Variants in ANO3 observed in about 807,000 individuals in gnomAD.
ANO3 encodes anoctamin 3.
ANO3 carries 99 observed loss-of-function variants against 144.8 expected under a neutral mutation model. The ratio of observed to expected loss-of-function variants is 0.68; its 90% CI spans 0.58 to 0.81. The LOEUF is 0.81. Among genes scored for constraint, ANO3 ranks in the 30% least tolerant of loss-of-function variants. The pLI is 0.00. For synonymous variants in ANO3, 414 were observed against 392.6 expected, an observed-to-expected ratio of 1.05 and a Z score of -0.64; for missense variants, 905 against 1,202.2, an observed-to-expected ratio of 0.75 and a Z score of 3.66.
intron 4 of ANO3, among the ~76,000 whole-genome samples, chr11:26,486,472 AT>A (rs1860457751): frequency 6.6e-6 from 1 of 151,730 alleles, no homozygotes; most frequent in African/African-American, 2.4e-5. Context: ...TTTATTTGTG[AT>A]GTGACTACAT....
intron 10 of ANO3, 90 bp downstream of exon 10, chr11:26,537,551 C>A (rs1849543034): frequency 2.7e-6 from 3 of 1,113,694 alleles, no homozygotes; most frequent in Non-Finnish European, 4.1e-6. Flanking sequence ...TAGCTGTCCA[C>A]TCCCAGGAGG....
intron 1 of ANO3, among the ~76,000 whole-genome samples, chr11:26,383,033 A>G (rs976934108): frequency 6.6e-6 from 1 of 152,186 alleles, no homozygotes. Context: ...GGAAACAGGT[A>G]TCCACTCATG....
chr11:26,646,568 A>T (rs1853351684), intron 23 of ANO3, among the ~76,000 whole-genome samples: 1 of 152,116 alleles, frequency 6.6e-6, no homozygotes, highest in Non-Finnish European at 1.5e-5. Flanking sequence ...TAAGACTTTC[A>T]AATCTTTGTC....
chr11:26,632,438 C>T (rs1263383146), intron 18 of ANO3, among the ~76,000 whole-genome samples: 1 of 150,654 alleles, frequency 6.6e-6, no homozygotes, highest in African/African-American at 2.4e-5. Context: ...ATCACTTGAA[C>T]CTGGGAGGCA....
At chr11:26,249,803 G>C (rs974419752) in intron 1 of ANO3, among the ~76,000 whole-genome samples, 1 of 151,762 alleles carries the variant, frequency 6.6e-6, no homozygotes, top group Admixed American at 6.6e-5. Flanking sequence ...GAAAGAAAGA[G>C]AAAGAAAGAA....
intron 4 of ANO3, among the ~76,000 whole-genome samples, chr11:26,490,979 C>G (rs1190296663): frequency 6.6e-6 from 1 of 152,196 alleles, no homozygotes; most frequent in Non-Finnish European, 1.5e-5. Flanking sequence ...AAAGCAATGT[C>G]AAATCTATGG....
intron 1 of ANO3, among the ~76,000 whole-genome samples, chr11:26,378,624 T>G (rs1443222228): frequency 6.6e-6 from 1 of 151,874 alleles, no homozygotes; most frequent in Non-Finnish European, 1.5e-5. Context: ...AAATGCATTG[T>G]TGTTAGCTCT....
intron 12 of ANO3, among the ~76,000 whole-genome samples, chr11:26,550,889 A>C (rs976038365): frequency 7.9e-5 from 12 of 151,946 alleles, no homozygotes; most frequent in Non-Finnish European, 1.6e-4. Flanking sequence ...TTCTACCAGC[A>C]GTGTACAGGA....
intron 23 of ANO3, among the ~76,000 whole-genome samples, chr11:26,644,438 AT>A (rs1458604289): frequency 1.3e-5 from 2 of 152,168 alleles, no homozygotes; most frequent in African/African-American, 4.8e-5. Context: ...ATATTCACAT[AT>A]AGTTTGCCAG....
At chr11:26,442,265 T>G (rs1184399036) in intron 2 of ANO3, among the ~76,000 whole-genome samples, 153 bp downstream of exon 2, 2 of 152,216 alleles carry the variant, frequency 1.3e-5, no homozygotes, top group Non-Finnish European at 2.9e-5. Flanking sequence ...TGCCATTTGT[T>G]GGCCAGATGT....
rs760183755 is a variant in ANO3, at chr11:26,442,007, T to G, written c.136T>G (p.Tyr46Asp). The change falls in exon 2 of 27, where the codon TAC becomes GAC. Residue 46 changes from tyrosine to aspartate, a missense_variant. Coordinates refer to ENST00000256737, the MANE Select transcript of ANO3 (RefSeq NM_031418.4). Reference protein sequence around the residue: ...SLPCLAQSYAYSKSLSQSTSL... With the variant: ...SLPCLAQSYADSKSLSQSTSL... ...GCCTTGCCTCGCCCAGAGCTACGCTTACTCAAAGAGCTTGAGCCAGTCTAC... is the reference window on the plus strand; with the variant it reads ...GCCTTGCCTCGCCCAGAGCTACGCTGACTCAAAGAGCTTGAGCCAGTCTAC... 1 of 1,614,166 alleles carries G rather than the reference T, an allele frequency of 6.2e-7. No individual in the cohort carries two copies. The highest frequency in any genetic ancestry group is 1.1e-5 in the South Asian group (1 of 91,082).
intron 4 of ANO3, among the ~76,000 whole-genome samples, chr11:26,490,653 A>G (rs769686674): frequency 9.9e-5 from 15 of 152,240 alleles, no homozygotes; most frequent in Admixed American, 2.6e-4. Context: ...GAATAGGCCA[A>G]GAGCCCTGTG....
intron 18 of ANO3, among the ~76,000 whole-genome samples, chr11:26,625,622 T>A (rs1852559659): frequency 6.6e-6 from 1 of 152,206 alleles, no homozygotes; most frequent in African/African-American, 2.4e-5. Flanking sequence ...TTTTACATAC[T>A]TTTCTTAATT....
At chr11:26,371,369 G>A (rs1187271079) in intron 1 of ANO3, among the ~76,000 whole-genome samples, 1 of 152,236 alleles carries the variant, frequency 6.6e-6, no homozygotes, top group African/African-American at 2.4e-5. Flanking sequence ...TGGATGTCCA[G>A]GCAGAAGTTT....
intron 14 of ANO3, among the ~76,000 whole-genome samples, chr11:26,570,903 C>T (rs992594998): frequency 6.6e-6 from 1 of 151,894 alleles, no homozygotes; most frequent in African/African-American, 2.4e-5. Flanking sequence ...GTTTTGGAAG[C>T]GTAACCAACT....
chr11:26,448,311 A>AG (rs1357450156), intron 3 of ANO3, among the ~76,000 whole-genome samples: 1 of 151,736 alleles, frequency 6.6e-6, no homozygotes, highest in Non-Finnish European at 1.5e-5. Flanking sequence ...AAAAAAAAAA[A>AG]AAAAGAAAGA....
intron 18 of ANO3, among the ~76,000 whole-genome samples, chr11:26,627,814 A>AGT (rs72002807): frequency 0.13 from 17,337 of 131,004 alleles, 1,226 homozygotes; most frequent in Non-Finnish European, 0.15. Context: ...AATAGAATCT[A>AGT]GTGTGTGTGT....
rs757586764 is a variant in ANO3 at position 26,516,852 on chromosome 11, T to C, written c.617T>C (p.Met206Thr). Residue 206 changes from methionine (M) to threonine (T), a missense_variant, in exon 6 of 27, where the codon ATG (methionine) becomes ACG (threonine). This residue lies in a region of ANO3 where 63 missense variants were observed against 107.3 expected (regional missense o/e 0.59). Transcript: ENST00000256737. Reference sequence around the variant, plus strand: ...CCAGCTATTGCAAGCCCCGATATCATGTTTATTAAAATTCACATTCCATGG... The same window carrying C: ...CCAGCTATTGCAAGCCCCGATATCACGTTTATTAAAATTCACATTCCATGG... Reference protein sequence around the residue: ...KEPAIASPDIMFIKIHIPWDT... With the variant: ...KEPAIASPDITFIKIHIPWDT... 11 of 1,611,798 alleles carry C rather than the reference T, an allele frequency of 6.8e-6. No individual in the cohort carries two copies. Among genetic ancestry groups the C allele is most frequent in the Non-Finnish European group, 9.3e-6 (11 of 1,178,344 alleles).
At chr11:26,245,100 T>C (rs1276931507) in intron 1 of ANO3, among the ~76,000 whole-genome samples, 1 of 151,632 alleles carries the variant, frequency 6.6e-6, no homozygotes, top group Non-Finnish European at 1.5e-5. Context: ...AAATAGAATT[T>C]TCCCTATTAT....
Sources: allele counts gnomAD v4.1 joint callset (sites outside exome capture counted in the v4.1 genomes callset), GRCh38; gene constraint gnomAD v4.1.1; regional missense constraint gnomAD v4.1.1; transcripts MANE v1.5; gene names NCBI Gene and HGNC (gene_info 2026-07-23, HGNC 2026-07-21).